Variants in MYO9A observed in about 807,000 individuals in gnomAD.
MYO9A encodes unconventional myosin-IXa.
Under a neutral mutation model 293.3 loss-of-function variants are expected in MYO9A, and 103 were observed. The ratio of observed to expected loss-of-function variants is 0.35; its 90% CI spans 0.30 to 0.41. MYO9A has a LOEUF of 0.41. Among genes scored for constraint, MYO9A ranks in the 10% least tolerant of loss-of-function variants. The probability of loss-of-function intolerance (pLI) is 1.00; values close to 1 mark genes in which losing one functional copy is unlikely to be tolerated. For synonymous variants in MYO9A, 1,001 were observed against 1,035.7 expected (o/e 0.97, Z 0.64); for missense variants, 2,685 against 3,033.0 (o/e 0.89, Z 2.69).
chr15:71,935,903 T>TAC (rs66924608), intron 16 of MYO9A, among the ~76,000 whole-genome samples: 12,586 of 147,396 alleles, frequency 0.085, 868 homozygotes, highest in African/African-American at 0.2. Flanking sequence ...AGGTCTTATT[T>TAC]ACACACACAC....
At chr15:71,949,427 T>G (rs1041728123) in intron 15 of MYO9A, among the ~76,000 whole-genome samples, 9 of 151,644 alleles carry the variant, frequency 5.9e-5, no homozygotes, top group Admixed American at 3.3e-4. Context: ...TTTTGTTTTT[T>G]TTTTTTTTAA....
At chr15:72,077,271 T>C (rs1203099750) in intron 1 of MYO9A, among the ~76,000 whole-genome samples, 2 of 152,118 alleles carry the variant, frequency 1.3e-5, no homozygotes, top group Non-Finnish European at 1.5e-5. Flanking sequence ...ATTGATAAGC[T>C]GGACTTCATT....
intron 39 of MYO9A, among the ~76,000 whole-genome samples, chr15:71,835,181 T>C (rs1037159136): frequency 2.0e-5 from 3 of 152,186 alleles, no homozygotes; most frequent in African/African-American, 4.8e-5. Context: ...AAAAATTCTA[T>C]AGCAAACATC....
intron 39 of MYO9A, among the ~76,000 whole-genome samples, chr15:71,843,232 C>A (rs1267824360): frequency 6.6e-6 from 1 of 151,872 alleles, no homozygotes; most frequent in Non-Finnish European, 1.5e-5. Context: ...AGTTCGAGAC[C>A]AGCCTGGCCA....
intron 1 of MYO9A, among the ~76,000 whole-genome samples, chr15:72,083,539 G>T (rs1598714): frequency 0.95 from 145,282 of 152,260 alleles, 69,690 homozygotes; most frequent in East Asian, 1. Flanking sequence ...TTTCTTGTAT[G>T]CTGCAAGTTT....
At position 71,999,991 on chromosome 15, in the gene MYO9A, G is replaced by T. The variant is rs751733940; in HGVS notation, c.1381-51C>A. 8 of 1,466,308 alleles carry T rather than the reference G, an allele frequency of 5.5e-6. No homozygotes were observed. In the Admixed American group the frequency reaches 1.6e-4, roughly 29 times the overall value. The allele number at this position is 1,466,308 out of a possible 1,614,324, so 90.8% of individuals were successfully genotyped here. A position where few individuals can be genotyped will look rare whatever the true frequency, so the allele number is the denominator to read the frequency against. On this transcript the variant is annotated intron_variant, in intron 8 of 41. Transcript: ENST00000356056. ...TATGTAAGATTTATGACAATAGGTTGAATTATCTTTTGAAAAAGCCAAATA... is the reference window on the plus strand; with the variant it reads ...TATGTAAGATTTATGACAATAGGTTTAATTATCTTTTGAAAAAGCCAAATA...
At chr15:71,879,942 G>C in intron 29 of MYO9A, 105 bp from the exon 30 acceptor site, 1 of 765,990 alleles carries the variant, frequency 1.3e-6, no homozygotes, top group Non-Finnish European at 2.2e-6. Context: ...TCCTCAAAGT[G>C]CAAGCCACAG....
intron 34 of MYO9A, among the ~76,000 whole-genome samples, chr15:71,857,452 A>G (rs2055906722): frequency 1.3e-5 from 2 of 152,168 alleles, no homozygotes; most frequent in Admixed American, 6.5e-5. Context: ...ACAGAATATT[A>G]CCAAGCAGTT....
chr15:72,020,797 C>T (rs1165212436), intron 5 of MYO9A, 121 bp downstream of exon 5: 3 of 485,204 alleles, frequency 6.2e-6, no homozygotes, highest in Non-Finnish European at 6.9e-6. Flanking sequence ...TTGTAGAGTA[C>T]ATATATGAAA....
In MYO9A at chr15:72,012,322, T is replaced by G. The variant is rs187834244; in HGVS notation, c.1156-1875A>C. The stretch of plus-strand genomic sequence containing the variant: ...AAAATAATTTTTTTTTGAGATGGAG[T>G]GTCGCACTTGTTGCCCAGCTGCTGT... On this transcript the variant is annotated intron_variant, in intron 6 of 41. Transcript: ENST00000356056. Among the ~76,000 whole-genome samples the G allele has an allele frequency of 8.5e-5, 13 of 152,120 alleles. No individual in the cohort carries two copies. In the East Asian group the frequency reaches 2.5e-3, roughly 29 times the overall value.
chr15:71,997,781 C>T (rs1254087287), intron 9 of MYO9A, among the ~76,000 whole-genome samples: 4 of 152,014 alleles, frequency 2.6e-5, no homozygotes, highest in Non-Finnish European at 4.4e-5. Context: ...TACCATCTCA[C>T]GTGAGTCACA....
intron 18 of MYO9A, among the ~76,000 whole-genome samples, chr15:71,932,119 C>G (rs1049338384): frequency 6.6e-6 from 1 of 152,214 alleles, no homozygotes; most frequent in African/African-American, 2.4e-5. Flanking sequence ...CCCCTAGACA[C>G]AGCTAGAAAG....
At chr15:72,058,889 C>T (rs1011805210) in intron 1 of MYO9A, among the ~76,000 whole-genome samples, 3 of 152,134 alleles carry the variant, frequency 2.0e-5, no homozygotes, top group Non-Finnish European at 2.9e-5. Context: ...TAAAAAGTAC[C>T]TAAGGATTTT....
chr15:72,023,559 G>GC (rs2077567545), intron 4 of MYO9A, among the ~76,000 whole-genome samples: 1 of 152,016 alleles, frequency 6.6e-6, no homozygotes, highest in Non-Finnish European at 1.5e-5. Flanking sequence ...GCTGGGCATG[G>GC]TGGCAGGCAC....
intron 1 of MYO9A, among the ~76,000 whole-genome samples, chr15:72,074,432 C>T (rs761957786): frequency 6.6e-6 from 1 of 152,110 alleles, no homozygotes; most frequent in South Asian, 2.1e-4. Flanking sequence ...AAAACAACAA[C>T]AACAACAAAA....
chr15:71,900,056 ATTTTC>A, intron 23 of MYO9A, 50 bp from the exon 24 acceptor site: 2 of 1,472,408 alleles, frequency 1.4e-6, no homozygotes, highest in Admixed American at 4.3e-5. Flanking sequence ...CTTACACTGC[ATTTTC>A]ACAGGAAAAA....
intron 1 of MYO9A, among the ~76,000 whole-genome samples, chr15:72,071,489 C>A (rs1287724362): frequency 2.0e-5 from 3 of 152,060 alleles, no homozygotes; most frequent in African/African-American, 7.2e-5. Context: ...GCCTGTAATC[C>A]CAGCACTTTG....
Position 71,825,622 on chromosome 15 carries a change from C to CTGAG in MYO9A, c.*954_*957dup, listed in dbSNP as rs1431928518. 3 of 151,614 alleles carry CTGAG rather than the reference C, an allele frequency of 2.0e-5. No homozygotes were observed. Among genetic ancestry groups the CTGAG allele is most frequent in the Admixed American group, 1.3e-4 (2 of 15,182 alleles). 9.4% of individuals were successfully genotyped at this position (151,614 alleles called of 1,614,324 possible). Reference sequence around the variant, plus strand: ...ACATTATTTGTTTGTTTGTTTGAGTCTGAGTCTGTGGTGGGAATCCACCAG... The same window carrying CTGAG: ...ACATTATTTGTTTGTTTGTTTGAGTCTGAGTGAGTCTGTGGTGGGAATCCACCAG... On this transcript the variant is annotated 3_prime_UTR_variant, in exon 42 of 42. Coordinates refer to ENST00000356056, the MANE Select transcript of MYO9A (RefSeq NM_006901.4).
intron 13 of MYO9A, 125 bp downstream of exon 13, chr15:71,967,859 T>C (rs2147270785): frequency 1.1e-6 from 1 of 930,630 alleles, no homozygotes; most frequent in Non-Finnish European, 1.5e-6. Flanking sequence ...TAGTAGTATC[T>C]TTATACAATA....
Sources: gnomAD v4.1 joint callset for allele counts (sites outside exome capture counted in the v4.1 genomes callset) on GRCh38, gnomAD v4.1.1 for gene constraint, MANE v1.5 for transcripts, NCBI Gene and HGNC (gene_info 2026-07-23, HGNC 2026-07-21) for gene names.